RUNDC3B: variants seen among roughly 807,000 people sequenced by gnomAD.
The protein encoded by RUNDC3B is RUN domain containing 3B.
RUNDC3B carries 33 observed loss-of-function variants against 58.4 expected under a neutral mutation model. The observed-to-expected ratio is 0.56, with a 90% CI of 0.43 to 0.75. The LOEUF is 0.75. RUNDC3B is among the 30% of genes least tolerant of loss of function. The pLI, the probability that RUNDC3B is intolerant of heterozygous loss-of-function variation, is 0.00. For synonymous variants in RUNDC3B, 193 were observed against 195.2 expected (o/e 0.99, Z 0.10); for missense variants, 501 against 535.7 (o/e 0.94, Z 0.64).
intron 4 of RUNDC3B, among the ~76,000 whole-genome samples, chr7:87,736,117 G>A (rs1305952513): frequency 6.6e-6 from 1 of 152,060 alleles, no homozygotes; most frequent in East Asian, 1.9e-4. Context: ...TGTCATGAGG[G>A]AGAATTTTCT....
chr7:87,795,611 C>T (rs1835773056), intron 8 of RUNDC3B, among the ~76,000 whole-genome samples: 1 of 151,952 alleles, frequency 6.6e-6, no homozygotes, highest in Non-Finnish European at 1.5e-5. Context: ...GGCATGGTGG[C>T]TCAAGCCTGT....
intron 6 of RUNDC3B, among the ~76,000 whole-genome samples, chr7:87,752,461 T>C (rs1456413056): frequency 1.3e-5 from 2 of 152,140 alleles, no homozygotes; most frequent in African/African-American, 4.8e-5. Flanking sequence ...TACCAGTTCC[T>C]CCATGTACCT....
rs572689897 is a variant in RUNDC3B, at chr7:87,739,735, G to A, written c.459-56G>A. 53 of 786,584 alleles carry A rather than the reference G, an allele frequency of 6.7e-5. 1 individual carries two copies. Among genetic ancestry groups the A allele is most frequent in the South Asian group, 9.2e-5 (5 of 54,540 alleles). The allele number at this position is 786,584 out of a possible 1,614,324, so 48.7% of individuals were successfully genotyped here. ...GTTTGGGCTCTAAATGATTTCTCTC[G>A]ATCAAACTTCCATTTATTTTTAATA... On this transcript the variant is annotated intron_variant, in intron 4 of 10. Coordinates refer to ENST00000394654, the MANE Select transcript of RUNDC3B (RefSeq NM_001134405.2).
At chr7:87,775,383 C>A (rs1408229771) in intron 7 of RUNDC3B, among the ~76,000 whole-genome samples, 1 of 152,030 alleles carries the variant, frequency 6.6e-6, no homozygotes, top group Non-Finnish European at 1.5e-5. Context: ...TTTTGTATAG[C>A]TGTACAATGT....
At chr7:87,803,777 A>G (rs1465197272) in intron 8 of RUNDC3B, among the ~76,000 whole-genome samples, 1 of 152,166 alleles carries the variant, frequency 6.6e-6, no homozygotes, top group African/African-American at 2.4e-5. Context: ...TTGTCATGAA[A>G]ATGCTGTCCG....
At chr7:87,645,181 CA>C (rs1374134629) in intron 1 of RUNDC3B, among the ~76,000 whole-genome samples, 1 of 150,798 alleles carries the variant, frequency 6.6e-6, no homozygotes, top group African/African-American at 2.4e-5. Context: ...CTCCTGGGTT[CA>C]AGCGATTCTC....
intron 3 of RUNDC3B, among the ~76,000 whole-genome samples, chr7:87,708,329 C>T (rs1192658974): frequency 6.6e-6 from 1 of 151,970 alleles, no homozygotes; most frequent in African/African-American, 2.4e-5. Context: ...ATCTCACAGA[C>T]ATTAAAAATC....
intron 1 of RUNDC3B, among the ~76,000 whole-genome samples, chr7:87,632,109 A>G (rs1313756883): frequency 5.3e-5 from 8 of 152,030 alleles, no homozygotes; most frequent in Non-Finnish European, 1.0e-4. Context: ...CCATTTACAA[A>G]ACCAAAAAAA....
intron 10 of RUNDC3B, among the ~76,000 whole-genome samples, chr7:87,825,232 G>T (rs1837735344): frequency 6.6e-6 from 1 of 151,826 alleles, no homozygotes; most frequent in Non-Finnish European, 1.5e-5. Context: ...AAAAAAGAAA[G>T]AAAAAGAAAA....
intron 2 of RUNDC3B, among the ~76,000 whole-genome samples, chr7:87,659,625 G>A (rs1280207726): frequency 6.6e-6 from 1 of 152,082 alleles, no homozygotes. Flanking sequence ...AAGCAAGTTT[G>A]TTGTTCCTGT....
rs753784387 is a variant in RUNDC3B, at chr7:87,807,385, GA to G, written c.971del (p.Asn324IlefsTer4). The G allele has an allele frequency of 2.5e-6, 4 of 1,613,682 alleles. No individual in the cohort carries two copies. The Admixed American group carries it at 6.7e-5, about 27-fold the overall frequency. On this transcript the variant is annotated frameshift_variant, in exon 9 of 11. Transcript: ENST00000394654. LOFTEE classifies it high-confidence loss of function. ...TTAATATTCACAGGACTGTGCTAAAGAATAATGATTTAAGATCGAGACAAGA... is the reference window on the plus strand; with the variant it reads ...TTAATATTCACAGGACTGTGCTAAAGATAATGATTTAAGATCGAGACAAGA... ...ELQDQLTVLK[N>X]NDLRSRQELT...
chr7:87,809,294 A>C (rs1489487321), intron 9 of RUNDC3B, among the ~76,000 whole-genome samples: 1 of 152,156 alleles, frequency 6.6e-6, no homozygotes, highest in East Asian at 1.9e-4. Flanking sequence ...GCCTGTCCTC[A>C]GATGTTGGTA....
chr7:87,639,639 C>T (rs1822226842), intron 1 of RUNDC3B, among the ~76,000 whole-genome samples: 1 of 152,088 alleles, frequency 6.6e-6, no homozygotes. Context: ...CATGAAATGT[C>T]CCTCATTATC....
At chr7:87,727,441 A>G (rs1584021591) in intron 4 of RUNDC3B, among the ~76,000 whole-genome samples, 1 of 152,180 alleles carries the variant, frequency 6.6e-6, no homozygotes, top group East Asian at 1.9e-4. Flanking sequence ...TAGTAATCCA[A>G]TTGTGCTTAT....
chr7:87,652,765 T>A (rs1311835098), intron 2 of RUNDC3B, among the ~76,000 whole-genome samples: 6 of 151,724 alleles, frequency 4.0e-5, no homozygotes, highest in Admixed American at 4.0e-4. Flanking sequence ...CAAATTGCTT[T>A]TACTTTTGGA....
At chr7:87,634,505 G>T in intron 1 of RUNDC3B, among the ~76,000 whole-genome samples, 2 of 86,920 alleles carry the variant, frequency 2.3e-5, no homozygotes, top group Non-Finnish European at 4.6e-5. Flanking sequence ...GGGGGGGGGG[G>T]CACCTGTAAT....
intron 1 of RUNDC3B, among the ~76,000 whole-genome samples, chr7:87,636,518 A>T (rs1821794516): frequency 6.6e-6 from 1 of 151,990 alleles, no homozygotes; most frequent in African/African-American, 2.4e-5. Context: ...TGGTGGCTTT[A>T]TTTTTCACTC....
chr7:87,793,536 A>T (rs990182541), intron 8 of RUNDC3B, among the ~76,000 whole-genome samples: 1 of 152,226 alleles, frequency 6.6e-6, no homozygotes, highest in Non-Finnish European at 1.5e-5. Context: ...CAAAGCAATC[A>T]GTGTGATACA....
chr7:87,660,472 C>T (rs1386058573), intron 2 of RUNDC3B, among the ~76,000 whole-genome samples: 1 of 152,046 alleles, frequency 6.6e-6, no homozygotes, highest in Non-Finnish European at 1.5e-5. Context: ...TTAAAGCTCT[C>T]TAAAGAGATA....
Sources: allele counts gnomAD v4.1 joint callset (sites outside exome capture counted in the v4.1 genomes callset), GRCh38; gene constraint gnomAD v4.1.1; transcripts MANE v1.5; gene names NCBI Gene and HGNC (gene_info 2026-07-23, HGNC 2026-07-21).